RRP1B: variants seen among roughly 807,000 people sequenced by gnomAD.
The protein encoded by RRP1B is ribosomal RNA processing protein 1 homolog B.
RRP1B carries 56 observed loss-of-function variants against 80.2 expected under a neutral mutation model. The ratio of observed to expected loss-of-function variants is 0.70; its 90% CI spans 0.56 to 0.87. The LOEUF (loss-of-function observed/expected upper bound fraction) is 0.87, where lower values mean the gene tolerates loss of function less well. RRP1B is among the 40% of genes least tolerant of loss of function. The pLI, the probability that RRP1B is intolerant of heterozygous loss-of-function variation, is 0.00. For missense variants in RRP1B, 807 were observed against 939.8 expected (o/e 0.86, Z 1.85); for synonymous variants, 351 against 357.6 (o/e 0.98, Z 0.21).
At chr21:43,670,752 T>C (rs2082996359) in intron 2 of RRP1B, among the ~76,000 whole-genome samples, 2 of 152,090 alleles carry the variant, frequency 1.3e-5, no homozygotes, top group African/African-American at 4.8e-5. Flanking sequence ...TCTTCCAGTG[T>C]GACCCAGGGA....
intron 13 of RRP1B, 135 bp from the exon 14 acceptor site, chr21:43,690,153 G>A: frequency 1.2e-6 from 1 of 868,034 alleles, no homozygotes; most frequent in Non-Finnish European, 1.7e-6. Context: ...GTCTGCAAGT[G>A]CGGTGCGGAA....
At chr21:43,664,859 A>G (rs966083715) in intron 1 of RRP1B, among the ~76,000 whole-genome samples, 1 of 152,208 alleles carries the variant, frequency 6.6e-6, no homozygotes, top group African/African-American at 2.4e-5. Flanking sequence ...TAAAACCGTT[A>G]GATCTCATGA....
chr21:43,659,694 C>G lies in RRP1B; in HGVS notation c.30C>G (p.Ile10Met), dbSNP rs1173096759. Residue 10 changes from isoleucine (I) to methionine (M), a missense_variant, in exon 1 of 16, where the codon ATC becomes ATG. Ile to Met is a conservative substitution (Grantham distance 10). Transcript: ENST00000340648. This position sits in a 1 kb window ranked among gnomAD's most constrained non-coding sequence, Gnocchi z 4.2. ...CCCCCGCCATGCAGCCGGCCGAGAT[C>G]CAATTTGCCCAGCGGCTGGCGTCCA... MAPAMQPAE[I>M]QFAQRLASSE... 4.6e-6 allele frequency: 7 copies of G among 1,524,290 alleles called. No homozygotes were observed. Among genetic ancestry groups the G allele is most frequent in the Admixed American group, 2.1e-5 (1 of 48,740 alleles). The allele number at this position is 1,524,290 out of a possible 1,614,324, so 94.4% of individuals were successfully genotyped here.
At chr21:43,674,094 A>G (rs1304711455) in intron 4 of RRP1B, 139 bp downstream of exon 4, 1 of 630,382 alleles carries the variant, frequency 1.6e-6, no homozygotes, top group East Asian at 2.7e-5. Flanking sequence ...TGTGTCCTGG[A>G]AAGCTTCTCT....
Position 43,672,358 on chromosome 21 carries a change from A to C in RRP1B, c.264A>C (p.Ser88=). 8 of 1,613,882 alleles carry C rather than the reference A, an allele frequency of 5.0e-6. No individual in the cohort carries two copies. Among genetic ancestry groups the C allele is most frequent in the Non-Finnish European group, 5.9e-6 (7 of 1,179,780 alleles). ...IAQLVHAVNN[S]AAQHLFIQTF... ...AGCTAGTCCATGCTGTTAACAACTC[A>C]GCGGCTCGTAAGTCCTGTTGTTTCT... Residue 88 remains serine (S), a synonymous_variant, in exon 3 of 16, where the codon TCA becomes TCC. Coordinates refer to ENST00000340648, the MANE Select transcript of RRP1B (RefSeq NM_015056.3).
intron 9 of RRP1B, among the ~76,000 whole-genome samples, chr21:43,683,808 G>A (rs960685209): frequency 1.3e-5 from 2 of 151,832 alleles, no homozygotes; most frequent in African/African-American, 4.8e-5. Flanking sequence ...AGTGAAACCC[G>A]TCTCTACTAA....
rs763614302 is a variant in RRP1B at position 43,672,385 on chromosome 21, C to CT, written c.271+21dup. On this transcript the variant is annotated intron_variant, in intron 3 of 15. Transcript: ENST00000340648. ...CGGCTCGTAAGTCCTGTTGTTTCTTCTCCTTCCTTCCAAGTTTTCCGACTT... is the reference window on the plus strand; with the variant it reads ...CGGCTCGTAAGTCCTGTTGTTTCTTCTTCCTTCCTTCCAAGTTTTCCGACTT... 7.7e-5 allele frequency: 124 copies of CT among 1,606,744 alleles called. 2 individuals are homozygous for CT. In the African/African-American group the frequency reaches 1.4e-3, roughly 18 times the overall value.
Position 43,683,283 on chromosome 21 carries a change from G to A in RRP1B, c.801G>A (p.Leu267=). The A allele has an allele frequency of 6.2e-7, 1 of 1,613,844 alleles. No homozygotes were observed. The highest frequency in any genetic ancestry group is 8.5e-7 in the Non-Finnish European group (1 of 1,179,780). The part of the protein sequence containing the change: ...RRAVSKKKTA[L]GKNHSRKDGL... ...TCTTTGGGTATATTTTGACAGCACT[G>A]GGCAAAAACCATTCCAGAAAAGATG... The change falls in exon 9 of 16, where the codon CTG becomes CTA. Residue 267 remains leucine (L), a synonymous_variant. Transcript: ENST00000340648.
intron 1 of RRP1B, among the ~76,000 whole-genome samples, chr21:43,666,050 C>T (rs1188162394): frequency 6.6e-6 from 1 of 152,164 alleles, no homozygotes; most frequent in Non-Finnish European, 1.5e-5. Flanking sequence ...GATTTCCCTC[C>T]AAGGCTCTCC....
chr21:43,693,005 A>T lies in RRP1B; in HGVS notation c.2084-185A>T, dbSNP rs2083093168. 6.6e-6 allele frequency among the ~76,000 whole-genome samples: 1 copy of T among 152,016 alleles called. No individual in the cohort carries two copies. Among genetic ancestry groups the T allele is most frequent in the Non-Finnish European group, 1.5e-5 (1 of 67,984 alleles). On this transcript the variant is annotated intron_variant, in intron 15 of 15. Coordinates refer to ENST00000340648, the MANE Select transcript of RRP1B (RefSeq NM_015056.3). The surrounding 1 kb of genome is among the most constrained non-coding windows in gnomAD (Gnocchi z 4.1). ...TTGGGAGGGTGAGTTGAGGCATGGG[A>T]TGTGGCCTCACTGCCCTCCTTTCCT... is the stretch of plus-strand genomic sequence containing the variant.
chr21:43,672,177 T>C, intron 2 of RRP1B, 131 bp from the exon 3 acceptor site: 1 of 726,672 alleles, frequency 1.4e-6, no homozygotes, highest in Non-Finnish European at 2.5e-6. Context: ...GATACATACT[T>C]CTTAGTGGAA....
Position 43,691,313 on chromosome 21 carries a change from T to G in RRP1B, c.2020-126T>G. ...GCAGTCCCTTTGGCCTCTCCCTATA[T>G]GTGCCACTCAGTAAGCAGCAGTGTG... On this transcript the variant is annotated intron_variant, in intron 14 of 15. Coordinates refer to ENST00000340648, the MANE Select transcript of RRP1B (RefSeq NM_015056.3). The surrounding 1 kb of genome is among the most constrained non-coding windows in gnomAD (Gnocchi z 4.2). 1.2e-6 allele frequency: 1 copy of G among 806,692 alleles called. No homozygotes were observed. The highest frequency in any genetic ancestry group is 2.0e-6 in the Non-Finnish European group (1 of 496,616). The allele number at this position is 806,692 out of a possible 1,614,324, so 50.0% of individuals were successfully genotyped here.
At chr21:43,684,177 T>C (rs2083054359) in intron 9 of RRP1B, among the ~76,000 whole-genome samples, 1 of 149,980 alleles carries the variant, frequency 6.7e-6, no homozygotes, top group Non-Finnish European at 1.5e-5. Context: ...GTTCACGCCA[T>C]TCTCCTGCCT....
intron 1 of RRP1B, among the ~76,000 whole-genome samples, chr21:43,666,474 T>C (rs1466893359): frequency 6.6e-6 from 1 of 152,194 alleles, no homozygotes; most frequent in Non-Finnish European, 1.5e-5. Flanking sequence ...ATCCCAGCAC[T>C]ATGGGAGGCC....
At chr21:43,670,506 C>T (rs564100366) in intron 2 of RRP1B, among the ~76,000 whole-genome samples, 238 of 152,384 alleles carry the variant, frequency 1.6e-3, no homozygotes, top group African/African-American at 5.5e-3. Context: ...AAAGCCAACA[C>T]TAAAGATGTG....
chr21:43,688,475 C>G (rs771167312), intron 13 of RRP1B, among the ~76,000 whole-genome samples: 1 of 152,188 alleles, frequency 6.6e-6, no homozygotes, highest in Admixed American at 6.5e-5. Flanking sequence ...TGCTTGGGTT[C>G]GGGAGGGCCC....
chr21:43,676,057 A>G (rs1436351017), intron 6 of RRP1B, among the ~76,000 whole-genome samples: 1 of 152,070 alleles, frequency 6.6e-6, no homozygotes, highest in Non-Finnish European at 1.5e-5. Flanking sequence ...TTCTCCAGCC[A>G]CTGCACTAAG....
chr21:43,664,146 G>T (rs1422045053), intron 1 of RRP1B, among the ~76,000 whole-genome samples: 2 of 151,900 alleles, frequency 1.3e-5, no homozygotes, highest in African/African-American at 4.8e-5. Flanking sequence ...GTTTTAAAAG[G>T]GAACAAAATG....
chr21:43,661,760 T>C (rs1288127411), intron 1 of RRP1B, among the ~76,000 whole-genome samples: 1 of 152,220 alleles, frequency 6.6e-6, no homozygotes, highest in Non-Finnish European at 1.5e-5. Context: ...GTGCTCTTCC[T>C]GCCTAAGCCC....
Sources: allele counts gnomAD v4.1 joint callset (sites outside exome capture counted in the v4.1 genomes callset), GRCh38; gene constraint gnomAD v4.1.1; non-coding constraint Gnocchi (gnomAD v3.1); transcripts MANE v1.5; gene names NCBI Gene and HGNC (gene_info 2026-07-23, HGNC 2026-07-21).